WASF3: variants seen among roughly 807,000 people sequenced by gnomAD.
The protein encoded by WASF3 is actin-binding protein WASF3.
WASF3 carries 11 observed loss-of-function variants against 46.6 expected under a neutral mutation model. That is an observed-to-expected ratio of 0.24 (90% CI 0.15 to 0.39). The LOEUF (loss-of-function observed/expected upper bound fraction) is 0.39. Among genes scored for constraint, WASF3 ranks in the 10% least tolerant of loss-of-function variants. The pLI is 1.00. For missense variants in WASF3, 576 were observed against 669.8 expected (o/e 0.86, Z 1.55); for synonymous variants, 242 against 259.7 (o/e 0.93, Z 0.65).
intron 2 of WASF3, among the ~76,000 whole-genome samples, chr13:26,635,515 C>T (rs986366715): frequency 2.0e-5 from 3 of 152,230 alleles, no homozygotes; most frequent in Non-Finnish European, 4.4e-5. Context: ...ATTCTCCGTC[C>T]AGCTTTGTTC....
chr13:26,615,910 A>G (rs746647305), intron 2 of WASF3, among the ~76,000 whole-genome samples: 7 of 152,196 alleles, frequency 4.6e-5, no homozygotes, highest in African/African-American at 7.2e-5. Context: ...TTCATTCAGC[A>G]TAGAGATTCA....
At chr13:26,651,825 GATAA>G (rs1461452268) in intron 3 of WASF3, among the ~76,000 whole-genome samples, 1 of 152,214 alleles carries the variant, frequency 6.6e-6, no homozygotes, top group Admixed American at 6.5e-5. Context: ...GTGTGAAAGT[GATAA>G]ATAGACTTAC....
chr13:26,590,492 G>A (rs868773288), intron 1 of WASF3, among the ~76,000 whole-genome samples: 1 of 152,082 alleles, frequency 6.6e-6, no homozygotes, highest in African/African-American at 2.4e-5. Context: ...ACCTTTAAAT[G>A]TGAGTCTTAA....
chr13:26,555,986 C>T (rs1228575802), upstream of WASF3, among the ~76,000 whole-genome samples: 1 of 152,110 alleles, frequency 6.6e-6, no homozygotes, highest in African/African-American at 2.4e-5. Context: ...TTTATTTGTA[C>T]CATGAACCAC....
chr13:26,560,233 C>T (rs958291459), intron 1 of WASF3, among the ~76,000 whole-genome samples: 1 of 152,152 alleles, frequency 6.6e-6, no homozygotes, highest in Non-Finnish European at 1.5e-5. Context: ...CAGCCCCACA[C>T]ATTCTTCTTC....
intron 1 of WASF3, among the ~76,000 whole-genome samples, chr13:26,565,081 G>A (rs1403774493): frequency 6.6e-6 from 1 of 151,466 alleles, no homozygotes; most frequent in Non-Finnish European, 1.5e-5. Flanking sequence ...ACTGTAGGCC[G>A]TGGTGCTATC....
chr13:26,646,356 A>G (rs904793201), intron 3 of WASF3, among the ~76,000 whole-genome samples: 3 of 152,234 alleles, frequency 2.0e-5, no homozygotes, highest in Admixed American at 1.3e-4. Context: ...TTAGGAATGT[A>G]TGAGCCTATA....
intron 3 of WASF3, among the ~76,000 whole-genome samples, chr13:26,663,208 G>A (rs1882681612): frequency 6.6e-6 from 1 of 152,130 alleles, no homozygotes; most frequent in African/African-American, 2.4e-5. Flanking sequence ...TGGGGATGCA[G>A]GTTTGAGGTA....
chr13:26,557,928 G>T, intron 1 of WASF3, 109 bp downstream of exon 1: 1 of 263,588 alleles, frequency 3.8e-6, no homozygotes, highest in Non-Finnish European at 7.2e-6. Flanking sequence ...GCGAACTGAA[G>T]TTGCTGCATC....
intron 8 of WASF3, among the ~76,000 whole-genome samples, chr13:26,681,550 C>G (rs1379650396): frequency 6.6e-6 from 1 of 152,176 alleles, no homozygotes; most frequent in Non-Finnish European, 1.5e-5. Flanking sequence ...TGTGTTCCCT[C>G]ACACACACTC....
At position 26,684,487 on chromosome 13, in the gene WASF3, C is replaced by T. The variant is rs568877846; in HGVS notation, c.1352-1201C>T. On this transcript the variant is annotated intron_variant, in intron 9 of 9. Transcript: ENST00000335327. ...TTAACAAAATTGACAACCAATGTCA[C>T]GGATAATTTCCACTGGATTCTGAAC... is the stretch of plus-strand genomic sequence containing the variant. Among the ~76,000 whole-genome samples the T allele has an allele frequency of 6.6e-5, 10 of 152,260 alleles. 1 individual carries two copies. In the East Asian group the frequency reaches 9.6e-4, roughly 15 times the overall value.
rs144812584 is a variant in WASF3 at position 26,625,537 on chromosome 13, AAG to A, written c.-11+12495_-11+12496del. Among the ~76,000 whole-genome samples, 30 of 150,800 alleles carry A rather than the reference AAG, an allele frequency of 2.0e-4. No individual in the cohort carries two copies. In the South Asian group the frequency reaches 4.6e-3, roughly 23 times the overall value. ...GAGAAGATGGATGTCCCAACTTAAG[AAG>A]AGAGAGAGAGAGAGAAAATTCATCC... is the stretch of plus-strand genomic sequence containing the variant. On this transcript the variant is annotated intron_variant, in intron 2 of 9. Coordinates refer to ENST00000335327, the MANE Select transcript of WASF3 (RefSeq NM_006646.6).
At chr13:26,569,858 A>G (rs1253448055) in intron 1 of WASF3, among the ~76,000 whole-genome samples, 1 of 152,250 alleles carries the variant, frequency 6.6e-6, no homozygotes, top group East Asian at 1.9e-4. Context: ...TCAGCCATGA[A>G]AAAGAGAACA....
intron 3 of WASF3, among the ~76,000 whole-genome samples, chr13:26,648,225 T>G (rs1329514134): frequency 2.2e-4 from 34 of 152,310 alleles, no homozygotes; most frequent in Non-Finnish European, 5.9e-5. Flanking sequence ...ACTCCATTAA[T>G]TTTAAATATG....
chr13:26,555,626 A>G (rs541817683), upstream of WASF3, among the ~76,000 whole-genome samples: 47 of 152,296 alleles, frequency 3.1e-4, no homozygotes, highest in Non-Finnish European at 5.4e-4. Context: ...AATGTGATGC[A>G]ATGCTTACAA....
At chr13:26,612,371 A>G (rs190908326) in intron 1 of WASF3, among the ~76,000 whole-genome samples, 1 of 152,208 alleles carries the variant, frequency 6.6e-6, no homozygotes, top group South Asian at 2.1e-4. Context: ...GCACATTGGT[A>G]TACAACATTG....
chr13:26,558,496 G>C (rs566969152), intron 1 of WASF3, among the ~76,000 whole-genome samples: 2 of 143,914 alleles, frequency 1.4e-5, no homozygotes, highest in Non-Finnish European at 3.1e-5. Context: ...CGGCGCGCGG[G>C]GTATCATCCC....
intron 1 of WASF3, among the ~76,000 whole-genome samples, chr13:26,601,910 A>T (rs1288080693): frequency 1.3e-5 from 2 of 152,216 alleles, no homozygotes; most frequent in African/African-American, 4.8e-5. Context: ...GAGTGGGCTG[A>T]GTAAATTTGC....
chr13:26,553,998 T>C (rs993963823), upstream of WASF3, among the ~76,000 whole-genome samples: 29 of 151,798 alleles, frequency 1.9e-4, no homozygotes, highest in Middle Eastern at 3.4e-3. Flanking sequence ...TTTTCTTTTC[T>C]TTTCCTTTCC....
Sources: allele counts gnomAD v4.1 joint callset (sites outside exome capture counted in the v4.1 genomes callset), GRCh38; gene constraint gnomAD v4.1.1; transcripts MANE v1.5; gene names NCBI Gene and HGNC (gene_info 2026-07-23, HGNC 2026-07-21).